Variants in RGS22 observed in about 807,000 individuals in gnomAD.
RGS22 encodes regulator of G-protein signaling 22.
Under a neutral mutation model 172.9 loss-of-function variants are expected in RGS22, and 148 were observed. That is an observed-to-expected ratio of 0.86 (90% CI 0.75 to 0.98). The LOEUF (loss-of-function observed/expected upper bound fraction) is 0.98. Among genes scored for constraint, RGS22 ranks in the 50% least tolerant of loss-of-function variants. The pLI is 0.00. For synonymous variants in RGS22, 458 were observed against 480.2 expected, an observed-to-expected ratio of 0.95 and a Z score of 0.60; for missense variants, 1,347 against 1,440.8, an observed-to-expected ratio of 0.93 and a Z score of 1.05.
chr8:100,076,980 G>A lies in RGS22; in HGVS notation c.339+3154C>T, dbSNP rs150207816. ...TGCACTCCAGCCAGGGCATCAGAGCGAGACCCTGTCTCAAAAAAAAAGAAA... is the reference window on the plus strand; with the variant it reads ...TGCACTCCAGCCAGGGCATCAGAGCAAGACCCTGTCTCAAAAAAAAAGAAA... On this transcript the variant is annotated intron_variant, in intron 4 of 27. Coordinates refer to ENST00000360863, the MANE Select transcript of RGS22 (RefSeq NM_015668.5). Among the ~76,000 whole-genome samples the A allele has an allele frequency of 4.6e-3, 696 of 151,812 alleles. 5 individuals carry two copies. Among genetic ancestry groups the A allele is most frequent in the Middle Eastern group, 0.017 (5 of 294 alleles).
intron 26 of RGS22, 97 bp from the exon 27 acceptor site, chr8:99,962,540 AGAAATTCTCCTAAGTTGGG>A (rs1296451590): frequency 1.4e-6 from 2 of 1,455,614 alleles, no homozygotes; most frequent in African/African-American, 2.8e-5. Context: ...ACACACACGG[AGAAATTCTCCTAAGTTGGG>A]GGGCAGAATA....
intron 12 of RGS22, 106 bp from the exon 13 acceptor site, chr8:100,040,193 C>T: frequency 1.0e-6 from 1 of 984,158 alleles, no homozygotes. Context: ...CATTTTCCCA[C>T]TGGACTATTT....
intron 2 of RGS22, among the ~76,000 whole-genome samples, chr8:100,103,137 G>A (rs1432677379): frequency 1.1e-4 from 16 of 152,194 alleles, no homozygotes; most frequent in Non-Finnish European, 2.2e-4. Flanking sequence ...CAGGGTAAGA[G>A]TGATAGGAGA....
At chr8:100,010,683 T>A (rs1816276855) in intron 14 of RGS22, among the ~76,000 whole-genome samples, 1 of 152,196 alleles carries the variant, frequency 6.6e-6, no homozygotes, top group African/African-American at 2.4e-5. Context: ...TTCCTAGAAC[T>A]GTTCTTGGCA....
chr8:99,988,074 A>G (rs1813301835), intron 20 of RGS22, among the ~76,000 whole-genome samples: 1 of 151,420 alleles, frequency 6.6e-6, no homozygotes, highest in African/African-American at 2.4e-5. Flanking sequence ...CATTTTTAAG[A>G]AAAAATTATC....
intron 22 of RGS22, among the ~76,000 whole-genome samples, chr8:99,979,961 G>T (rs1213499026): frequency 6.6e-6 from 1 of 152,176 alleles, no homozygotes; most frequent in Non-Finnish European, 1.5e-5. Flanking sequence ...AAAGCAGTAA[G>T]GGCCACTTAT....
At chr8:100,088,891 C>T (rs776068976) in intron 3 of RGS22, among the ~76,000 whole-genome samples, 2 of 151,988 alleles carry the variant, frequency 1.3e-5, no homozygotes, top group Non-Finnish European at 2.9e-5. Flanking sequence ...TCTATATCTA[C>T]ACTCTAGGGC....
At chr8:100,096,567 TA>T (rs1812983183) in intron 2 of RGS22, among the ~76,000 whole-genome samples, 1 of 151,456 alleles carries the variant, frequency 6.6e-6, no homozygotes, top group Non-Finnish European at 1.5e-5. Context: ...ATTTTTTGCT[TA>T]AACTTATTTT....
chr8:100,084,256 G>GCTA (rs991069240), intron 3 of RGS22, among the ~76,000 whole-genome samples: 23 of 152,146 alleles, frequency 1.5e-4, no homozygotes, highest in Admixed American at 1.2e-3. Flanking sequence ...ACTCCCTACA[G>GCTA]CTACGATTTC....
At chr8:100,008,649 T>G (rs191390430) in intron 14 of RGS22, 80 bp from the exon 15 acceptor site, 1 of 1,112,630 alleles carries the variant, frequency 9.0e-7, no homozygotes, top group Non-Finnish European at 1.3e-6. Context: ...TAGGCATTTT[T>G]TAAAAACTAA....
intron 23 of RGS22, among the ~76,000 whole-genome samples, chr8:99,971,859 A>G (rs1377067568): frequency 6.6e-6 from 1 of 152,180 alleles, no homozygotes; most frequent in Non-Finnish European, 1.5e-5. Flanking sequence ...TATTCCCATC[A>G]AGCTACCATT....
In RGS22 at chr8:100,073,827, T is replaced by C. The variant is rs76156402; in HGVS notation, c.340-1597A>G. On this transcript the variant is annotated intron_variant, in intron 4 of 27. Coordinates refer to ENST00000360863, the MANE Select transcript of RGS22 (RefSeq NM_015668.5). ...ATAATTCATCCTCTTTTGAGTGTTT[T>C]TGTACCTATGTGACCTAAAAATAAA... 1.5e-3 allele frequency among the ~76,000 whole-genome samples: 234 copies of C among 152,318 alleles called. 3 individuals are homozygous for C. Among genetic ancestry groups the C allele is most frequent in the African/African-American group, 5.4e-3 (224 of 41,572 alleles).
At chr8:99,975,984 G>A (rs1392631127) in intron 23 of RGS22, among the ~76,000 whole-genome samples, 1 of 152,146 alleles carries the variant, frequency 6.6e-6, no homozygotes, top group Non-Finnish European at 1.5e-5. Context: ...GAGGTCAAGA[G>A]TTCGCGACCA....
At chr8:100,024,486 C>T (rs573512075) in intron 14 of RGS22, among the ~76,000 whole-genome samples, 1 of 151,194 alleles carries the variant, frequency 6.6e-6, no homozygotes, top group African/African-American at 2.5e-5. Flanking sequence ...CCTATCACAG[C>T]ACCTTTTATA....
At chr8:100,040,284 T>C (rs1819967453) in intron 12 of RGS22, among the ~76,000 whole-genome samples, 197 bp from the exon 13 acceptor site, 1 of 152,234 alleles carries the variant, frequency 6.6e-6, no homozygotes, top group South Asian at 2.1e-4. Context: ...AGCCCAACTA[T>C]AGCCACAGAA....
chr8:100,056,218 AC>A (rs1190713509), intron 9 of RGS22, among the ~76,000 whole-genome samples: 1 of 152,124 alleles, frequency 6.6e-6, no homozygotes, highest in East Asian at 1.9e-4. Flanking sequence ...GGAACTTTGA[AC>A]TTGAGAGAGA....
At chr8:100,094,745 G>A (rs964603348) in intron 2 of RGS22, among the ~76,000 whole-genome samples, 7 of 152,178 alleles carry the variant, frequency 4.6e-5, no homozygotes, top group African/African-American at 1.4e-4. Flanking sequence ...AAGGCATTTA[G>A]TAACCTATCA....
chr8:99,991,696 A>T (rs1813738838), intron 20 of RGS22, among the ~76,000 whole-genome samples: 1 of 152,256 alleles, frequency 6.6e-6, no homozygotes, highest in South Asian at 2.1e-4. Flanking sequence ...AACACTCTTC[A>T]GGATATTATC....
At chr8:100,045,097 A>T (rs2926764) in intron 11 of RGS22, among the ~76,000 whole-genome samples, 3 of 150,624 alleles carry the variant, frequency 2.0e-5, no homozygotes, top group Non-Finnish European at 4.4e-5. Flanking sequence ...GGCAACATTG[A>T]GAGAACCCAT....
Sources: gnomAD v4.1 joint callset for allele counts (sites outside exome capture counted in the v4.1 genomes callset) on GRCh38, gnomAD v4.1.1 for gene constraint, MANE v1.5 for transcripts, NCBI Gene and HGNC (gene_info 2026-07-23, HGNC 2026-07-21) for gene names.